DMD: variants seen among roughly 807,000 people sequenced by gnomAD.
The protein encoded by DMD is mutant dystrophin.
In DMD, 63 loss-of-function variants were observed where a neutral mutation model predicts 330.1. The ratio of observed to expected loss-of-function variants is 0.19; its 90% confidence interval spans 0.16 to 0.24. DMD has a LOEUF of 0.24. DMD is among the 10% of genes least tolerant of loss of function. The probability of loss-of-function intolerance (pLI) is 1.00; values close to 1 mark genes in which losing one functional copy is unlikely to be tolerated. For missense variants in DMD, 3,344 were observed against 2,684.1 expected (o/e 1.25, Z -5.43); for synonymous variants, 1,223 against 959.8 (o/e 1.27, Z -5.07).
intron 1 of DMD, among the ~76,000 whole-genome samples, chrX:33,135,063 ATT>A (rs1269100493): frequency 2.7e-5 from 3 of 112,315 alleles, no homozygotes; most frequent in African/African-American, 9.7e-5. Flanking sequence ...ACCTACTGTC[ATT>A]CTTATAACCC....
chrX:32,214,582 G>A (rs185031041), intron 44 of DMD, among the ~76,000 whole-genome samples: 84 of 111,430 alleles, frequency 7.5e-4, no homozygotes, highest in Middle Eastern at 4.7e-3. Context: ...CTGTTCCCAC[G>A]AGCCCCAGTG....
intron 60 of DMD, among the ~76,000 whole-genome samples, chrX:31,349,370 G>A (rs1028430386): frequency 1.8e-5 from 2 of 112,506 alleles, no homozygotes; most frequent in East Asian, 5.6e-4. Context: ...GCAGTGAGCA[G>A]AGATCACGCC....
At chrX:32,145,844 T>C (rs965705341) in intron 44 of DMD, among the ~76,000 whole-genome samples, 6 of 112,029 alleles carry the variant, frequency 5.4e-5, no homozygotes, top group Admixed American at 3.8e-4. Context: ...GTATCAAAGG[T>C]ATTTTTCCTA....
At chrX:31,502,036 C>T (rs2070454554) in intron 56 of DMD, among the ~76,000 whole-genome samples, 1 of 111,257 alleles carries the variant, frequency 9.0e-6, no homozygotes, top group Non-Finnish European at 1.9e-5. Context: ...ACAGTCTCTT[C>T]AACAAATGGT....
chrX:31,762,746 A>G (rs1469664192), intron 51 of DMD, among the ~76,000 whole-genome samples: 1 of 111,711 alleles, frequency 9.0e-6, no homozygotes, highest in African/African-American at 3.3e-5. Flanking sequence ...AAGCCACTGT[A>G]GTGAGAATGC....
chrX:31,732,857 C>T (rs1402857487), intron 51 of DMD, among the ~76,000 whole-genome samples: 1 of 111,611 alleles, frequency 9.0e-6, no homozygotes, highest in Non-Finnish European at 1.9e-5. Context: ...GCTAATTGTG[C>T]TTATTTATTT....
chrX:31,192,256 T>C (rs779620318), intron 67 of DMD, among the ~76,000 whole-genome samples: 2 of 112,319 alleles, frequency 1.8e-5, no homozygotes, highest in African/African-American at 6.5e-5. Context: ...AAAGACTCTA[T>C]AAAACTATAC....
intron 6 of DMD, among the ~76,000 whole-genome samples, chrX:32,812,132 G>C (rs2077411586): frequency 9.0e-6 from 1 of 111,063 alleles, no homozygotes; most frequent in African/African-American, 3.3e-5. Context: ...ACACCTTTGA[G>C]AATCTGTTGA....
chrX:33,079,487 T>G (rs772272753), intron 1 of DMD, among the ~76,000 whole-genome samples: 2 of 111,863 alleles, frequency 1.8e-5, no homozygotes, highest in African/African-American at 6.5e-5. Flanking sequence ...TAAGTCATAT[T>G]AGAATTATAG....
intron 61 of DMD, among the ~76,000 whole-genome samples, chrX:31,337,072 C>T (rs1286962929): frequency 5.5e-5 from 6 of 108,970 alleles, no homozygotes; most frequent in South Asian, 4.0e-4. Flanking sequence ...TACAGGTGTG[C>T]GCCACCATGC....
intron 16 of DMD, among the ~76,000 whole-genome samples, chrX:32,548,938 T>G (rs187719033): frequency 5.4e-5 from 6 of 111,870 alleles, no homozygotes; most frequent in Non-Finnish European, 7.5e-5. Context: ...TTGACCTATA[T>G]TCAACAATCT....
At chrX:32,182,129 T>A (rs1373534205) in intron 44 of DMD, among the ~76,000 whole-genome samples, 1 of 111,802 alleles carries the variant, frequency 8.9e-6, no homozygotes, top group Non-Finnish European at 1.9e-5. Flanking sequence ...CAAAGCTTTG[T>A]CCATTATGCT....
upstream of DMD, among the ~76,000 whole-genome samples, chrX:33,214,027 G>A (rs760293120): frequency 1.1e-4 from 11 of 96,382 alleles, no homozygotes; most frequent in East Asian, 6.3e-4. Context: ...GCAATGATTC[G>A]GTATGTAACC....
intron 43 of DMD, among the ~76,000 whole-genome samples, chrX:32,232,234 C>T (rs1298915804): frequency 2.7e-5 from 3 of 111,768 alleles, no homozygotes; most frequent in Non-Finnish European, 3.8e-5. Context: ...GCAGAGGGAA[C>T]GGGTCCAAAA....
intron 1 of DMD, among the ~76,000 whole-genome samples, chrX:33,127,096 C>T (rs1017103542): frequency 9.1e-6 from 1 of 110,338 alleles, no homozygotes; most frequent in Non-Finnish European, 1.9e-5. Context: ...AGACTTTTAA[C>T]TTTGGATTGT....
intron 2 of DMD, among the ~76,000 whole-genome samples, chrX:32,889,554 G>C (rs1161424551): frequency 9.0e-6 from 1 of 110,890 alleles, no homozygotes; most frequent in Non-Finnish European, 1.9e-5. Flanking sequence ...CCACAAAAGA[G>C]TGAAAATAGC....
intron 41 of DMD, among the ~76,000 whole-genome samples, chrX:32,312,988 G>T (rs1448409319): frequency 4.3e-5 from 3 of 70,332 alleles, no homozygotes; most frequent in Non-Finnish European, 8.9e-5. Flanking sequence ...CGGATTCACA[G>T]CTGAATTCTA....
chrX:32,304,284 A>G (rs996250822), intron 42 of DMD, among the ~76,000 whole-genome samples: 1 of 111,303 alleles, frequency 9.0e-6, no homozygotes, highest in Non-Finnish European at 1.9e-5. Flanking sequence ...TGCTTTCTAC[A>G]CTTTACACGA....
intron 44 of DMD, among the ~76,000 whole-genome samples, chrX:32,093,834 A>C (rs1249575598): frequency 1.8e-5 from 2 of 111,291 alleles, no homozygotes; most frequent in Non-Finnish European, 3.8e-5. Flanking sequence ...CAAATTTTTT[A>C]TGACTGTCAA....
Sources: allele counts gnomAD v4.1 joint callset (sites outside exome capture counted in the v4.1 genomes callset), GRCh38; gene constraint gnomAD v4.1.1; transcripts MANE v1.5; gene names NCBI Gene and HGNC (gene_info 2026-07-23, HGNC 2026-07-21).